WDR70: variants seen among roughly 807,000 people sequenced by gnomAD.
WDR70 encodes the protein WD repeat-containing protein 70.
WDR70 carries 53 observed loss-of-function variants against 88.6 expected under a neutral mutation model. The observed-to-expected ratio is 0.60, with a 90% confidence interval of 0.48 to 0.75. The LOEUF (loss-of-function observed/expected upper bound fraction) is 0.75, where lower values mean the gene tolerates loss of function less well. Ranked by LOEUF, WDR70 falls within the 30% of genes least tolerant of loss-of-function variation. The pLI, the probability that WDR70 is intolerant of heterozygous loss-of-function variation, is 0.00. For synonymous variants in WDR70, 280 were observed against 270.0 expected (o/e 1.04, Z -0.36); for missense variants, 610 against 823.2 (o/e 0.74, Z 3.17).
chr5:37,528,723 C>T (rs1477825672), intron 9 of WDR70, among the ~76,000 whole-genome samples: 7 of 152,080 alleles, frequency 4.6e-5, no homozygotes, highest in African/African-American at 1.4e-4. Context: ...AGTCCTTTAT[C>T]GGATGCAGAG....
At chr5:37,652,368 A>G (rs1309439193) in intron 10 of WDR70, among the ~76,000 whole-genome samples, 1 of 152,214 alleles carries the variant, frequency 6.6e-6, no homozygotes, top group East Asian at 1.9e-4. Flanking sequence ...GAAGTCAGAT[A>G]GTGTGATGCC....
At chr5:37,724,813 T>G (rs1044278542) in intron 15 of WDR70, 121 bp from the exon 16 acceptor site, 19 of 979,478 alleles carry the variant, frequency 1.9e-5, no homozygotes, top group Non-Finnish European at 2.8e-5. Context: ...TGTCTTTTAT[T>G]ATCAGATCAA....
chr5:37,599,659 A>T (rs1581425086), intron 9 of WDR70, among the ~76,000 whole-genome samples: 1 of 152,182 alleles, frequency 6.6e-6, no homozygotes, highest in Non-Finnish European at 1.5e-5. Flanking sequence ...TTGAAGGCTG[A>T]GGTGGGTGGA....
At chr5:37,727,571 T>G (rs1748010993) in intron 17 of WDR70, among the ~76,000 whole-genome samples, 1 of 152,108 alleles carries the variant, frequency 6.6e-6, no homozygotes, top group African/African-American at 2.4e-5. Context: ...AATTTTCCGT[T>G]TTTATTTTTA....
At chr5:37,560,810 T>TA (rs1387185166) in intron 9 of WDR70, among the ~76,000 whole-genome samples, 226 of 15,144 alleles carry the variant, frequency 0.015, 1 homozygote, top group African/African-American at 0.046. Context: ...CAGAAGCAGA[T>TA]TTTTTTTTTT....
intron 5 of WDR70, among the ~76,000 whole-genome samples, chr5:37,424,754 G>A (rs1750069217): frequency 6.6e-6 from 1 of 152,026 alleles, no homozygotes; most frequent in African/African-American, 2.4e-5. Context: ...TTAACTTTGC[G>A]TTGATGTGAA....
At chr5:37,607,583 C>G (rs1285579582) in intron 10 of WDR70, among the ~76,000 whole-genome samples, 1 of 152,158 alleles carries the variant, frequency 6.6e-6, no homozygotes, top group Non-Finnish European at 1.5e-5. Context: ...ATGCTAGCCA[C>G]TAGCCACATT....
chr5:37,525,276 C>T (rs629111), intron 9 of WDR70, among the ~76,000 whole-genome samples: 150,845 of 152,324 alleles, frequency 0.99, 74,712 homozygotes, highest in East Asian at 1. Flanking sequence ...TATAAAAAAC[C>T]GTCTCTCAGA....
intron 7 of WDR70, among the ~76,000 whole-genome samples, chr5:37,478,675 T>G (rs543607825): frequency 1.3e-5 from 2 of 152,286 alleles, no homozygotes; most frequent in African/African-American, 4.8e-5. Context: ...TCTGAGATAT[T>G]TCAGGAATGG....
chr5:37,622,392 G>C (rs1167398470), intron 10 of WDR70, among the ~76,000 whole-genome samples: 9 of 151,676 alleles, frequency 5.9e-5, no homozygotes, highest in African/African-American at 1.5e-4. Flanking sequence ...CCATTACTGG[G>C]TATATACCCA....
At chr5:37,413,961 C>T (rs1466179901) in intron 5 of WDR70, among the ~76,000 whole-genome samples, 1 of 151,774 alleles carries the variant, frequency 6.6e-6, no homozygotes, top group Non-Finnish European at 1.5e-5. Context: ...GCCTGACCAA[C>T]ACGGAGAAAC....
intron 10 of WDR70, among the ~76,000 whole-genome samples, chr5:37,645,837 T>G (rs529408466): frequency 1.3e-5 from 2 of 152,220 alleles, no homozygotes; most frequent in Admixed American, 1.3e-4. Flanking sequence ...TTTTCCATCC[T>G]TTGTTTTCAG....
At chr5:37,584,936 ACTT>A (rs950627543) in intron 9 of WDR70, among the ~76,000 whole-genome samples, 4 of 150,368 alleles carry the variant, frequency 2.7e-5, no homozygotes, top group African/African-American at 9.8e-5. Context: ...ACGTGGCATT[ACTT>A]CTTAACATAA....
chr5:37,425,953 A>C (rs1026067860), intron 5 of WDR70, among the ~76,000 whole-genome samples: 3 of 152,216 alleles, frequency 2.0e-5, no homozygotes, highest in African/African-American at 7.2e-5. Context: ...TATTTCTGAG[A>C]CATCCAGGCA....
At chr5:37,414,144 C>CAAAA (rs59026349) in intron 5 of WDR70, among the ~76,000 whole-genome samples, 7 of 94,076 alleles carry the variant, frequency 7.4e-5, no homozygotes, top group East Asian at 2.9e-4. Context: ...AACTCTGTCT[C>CAAAA]AAAAAAAAAA....
chr5:37,533,420 T>G (rs575633252), intron 9 of WDR70, among the ~76,000 whole-genome samples: 32 of 152,122 alleles, frequency 2.1e-4, no homozygotes, highest in African/African-American at 7.5e-4. Context: ...GGTGAATCCC[T>G]GTCTCTACTT....
At chr5:37,562,050 T>A (rs1742522295) in intron 9 of WDR70, among the ~76,000 whole-genome samples, 1 of 148,684 alleles carries the variant, frequency 6.7e-6, no homozygotes, top group African/African-American at 2.6e-5. Flanking sequence ...TGAAAATTTT[T>A]CTTTGTTTTT....
chr5:37,403,811 T>C (rs1204360837), intron 5 of WDR70, among the ~76,000 whole-genome samples: 2 of 152,158 alleles, frequency 1.3e-5, no homozygotes, highest in Admixed American at 1.3e-4. Context: ...GGTGTAATCA[T>C]AGCTCACTGC....
rs149413345 is a variant in WDR70 at position 37,544,329 on chromosome 5, G to T, written c.917+27739G>T. Among the ~76,000 whole-genome samples the T allele has an allele frequency of 1.6e-3, 237 of 152,100 alleles. 1 individual carries two copies. Among genetic ancestry groups the T allele is most frequent in the African/African-American group, 5.6e-3 (231 of 41,488 alleles). ...CATCCTGAGAGCTATATTAACAAAA[G>T]AAACCAGCATTTTCCAGACATATTG... On this transcript the variant is annotated intron_variant, in intron 9 of 17. Transcript: ENST00000265107.
Sources: allele counts gnomAD v4.1 joint callset (sites outside exome capture counted in the v4.1 genomes callset), GRCh38; gene constraint gnomAD v4.1.1; transcripts MANE v1.5; gene names NCBI Gene and HGNC (gene_info 2026-07-23, HGNC 2026-07-21).